ZNF33B: variants seen among roughly 807,000 people sequenced by gnomAD.
ZNF33B encodes zinc finger protein 33B.
In ZNF33B, 29 loss-of-function variants were observed where a neutral mutation model predicts 45.8. That is an observed-to-expected ratio of 0.63 (90% CI 0.47 to 0.86). The LOEUF (loss-of-function observed/expected upper bound fraction) is 0.86, where lower values mean the gene tolerates loss of function less well. ZNF33B is among the 40% of genes least tolerant of loss of function. The pLI, the probability that ZNF33B is intolerant of heterozygous loss-of-function variation, is 0.00. For synonymous variants in ZNF33B, 305 were observed against 307.8 expected (o/e 0.99, Z 0.10); for missense variants, 831 against 909.9 (o/e 0.91, Z 1.12).
In ZNF33B at chr10:42,632,064, C is replaced by G; in HGVS notation, c.155-40G>C. The G allele has an allele frequency of 3.1e-6, 5 of 1,601,656 alleles. No individual in the cohort carries two copies. In the East Asian group the frequency reaches 1.1e-4, roughly 36 times the overall value. On this transcript the variant is annotated intron_variant, in intron 3 of 4. Transcript: ENST00000359467. ...TAATTTAGGATTTGGACCAAGCAGT[C>G]TAGACTTCAGGCCTTTGAAGCAGGA...
intron 1 of ZNF33B, chr10:42,583,141 T>C (rs768893199): frequency 1.3e-6 from 1 of 788,154 alleles, no homozygotes; most frequent in Non-Finnish European, 2.3e-6. Context: ...GGAGTAAGCA[T>C]GGTGAGAACA....
chr10:42,585,202 C>G (rs1254653456), downstream of ZNF33B, among the ~76,000 whole-genome samples: 1 of 152,196 alleles, frequency 6.6e-6, no homozygotes, highest in Non-Finnish European at 1.5e-5. Flanking sequence ...GTGATTGTTT[C>G]TAAGCTCCAC....
downstream of ZNF33B, among the ~76,000 whole-genome samples, chr10:42,586,973 C>T (rs968119098): frequency 3.3e-4 from 49 of 147,158 alleles, no homozygotes; most frequent in African/African-American, 1.2e-3. Flanking sequence ...GACAAGGTCT[C>T]GGCTTCCAAG....
At chr10:42,631,869 T>C in intron 4 of ZNF33B, 60 bp downstream of exon 4, 4 of 1,462,222 alleles carry the variant, frequency 2.7e-6, no homozygotes, top group Middle Eastern at 3.5e-4. Context: ...AAACCCTGAA[T>C]TAACTACTGG....
intron 1 of ZNF33B, among the ~76,000 whole-genome samples, chr10:42,578,028 T>C (rs1451964354): frequency 4.6e-5 from 7 of 152,028 alleles, no homozygotes; most frequent in Admixed American, 3.9e-4. Context: ...ACAGAGAGGA[T>C]AGCCGGTGGG....
downstream of ZNF33B, among the ~76,000 whole-genome samples, chr10:42,585,956 G>C (rs535218181): frequency 1.4e-4 from 21 of 152,212 alleles, no homozygotes; most frequent in African/African-American, 4.8e-4. Context: ...CATTTGTGCT[G>C]TCTCTTTCCA....
At chr10:42,624,175 G>A (rs1470413563) in intron 4 of ZNF33B, among the ~76,000 whole-genome samples, 4 of 152,188 alleles carry the variant, frequency 2.6e-5, no homozygotes, top group African/African-American at 4.8e-5. Flanking sequence ...TAACCTCATC[G>A]TGAGGGCCCC....
At chr10:42,612,565 C>G (rs1477115114) in intron 4 of ZNF33B, among the ~76,000 whole-genome samples, 6 of 152,050 alleles carry the variant, frequency 3.9e-5, no homozygotes, top group Admixed American at 3.9e-4. Context: ...CTCTGACCAG[C>G]CTTGAGTGGT....
At chr10:42,620,164 C>T (rs569905096) in intron 4 of ZNF33B, among the ~76,000 whole-genome samples, 2 of 146,718 alleles carry the variant, frequency 1.4e-5, no homozygotes, top group South Asian at 4.4e-4. Context: ...TGCAGTGAAC[C>T]AAGATCATAC....
downstream of ZNF33B, among the ~76,000 whole-genome samples, chr10:42,588,212 A>C (rs1836976756): frequency 6.6e-6 from 1 of 152,204 alleles, no homozygotes; most frequent in African/African-American, 2.4e-5. Context: ...GGCTGAGCCC[A>C]AGTCAAGTCA....
At chr10:42,633,343 G>A (rs1050275942) in intron 2 of ZNF33B, among the ~76,000 whole-genome samples, 3 of 152,174 alleles carry the variant, frequency 2.0e-5, no homozygotes, top group African/African-American at 7.2e-5. Flanking sequence ...GATCACTGCT[G>A]TGAAAAAGGG....
At chr10:42,632,226 G>C (rs1220864534) in intron 3 of ZNF33B, 69 bp downstream of exon 3, 3 of 1,560,640 alleles carry the variant, frequency 1.9e-6, no homozygotes, top group Non-Finnish European at 2.6e-6. Flanking sequence ...AAACTAGACA[G>C]ACTGCCTATA....
At position 42,610,115 on chromosome 10, in the gene ZNF33B, G is replaced by A. The variant is rs547762028; in HGVS notation, c.251-15416C>T. 3.3e-5 allele frequency among the ~76,000 whole-genome samples: 5 copies of A among 152,272 alleles called. 1 individual carries two copies. In the South Asian group the frequency reaches 1.0e-3, roughly 32 times the overall value. On this transcript the variant is annotated intron_variant, in intron 4 of 4. Coordinates refer to ENST00000359467, the MANE Select transcript of ZNF33B (RefSeq NM_006955.3). ...AAAAGTGGAACTATATGTATTTGCA[G>A]TTGACTGCTCATGCATATAGAGAAT... is the stretch of plus-strand genomic sequence containing the variant.
chr10:42,616,493 A>T (rs1838320748), intron 4 of ZNF33B, among the ~76,000 whole-genome samples: 1 of 152,074 alleles, frequency 6.6e-6, no homozygotes. Context: ...TTTTGCTTGT[A>T]CAGATAATCA....
chr10:42,606,556 C>G (rs1837861970), intron 4 of ZNF33B, among the ~76,000 whole-genome samples: 1 of 152,032 alleles, frequency 6.6e-6, no homozygotes, highest in East Asian at 1.9e-4. Context: ...TGAATTAAAG[C>G]AGAAATGAAG....
At chr10:42,601,927 TTTTG>T (rs1336649118) in intron 4 of ZNF33B, among the ~76,000 whole-genome samples, 3 of 147,360 alleles carry the variant, frequency 2.0e-5, no homozygotes, top group African/African-American at 7.5e-5. Context: ...TTTTTTTTTT[TTTTG>T]GGGGGAGACA....
intron 1 of ZNF33B, among the ~76,000 whole-genome samples, chr10:42,577,354 T>C (rs189515906): frequency 2.6e-5 from 4 of 152,236 alleles, no homozygotes; most frequent in Admixed American, 6.5e-5. Context: ...TCCCATTCCT[T>C]ATCTCTGATT....
Position 42,593,211 on chromosome 10 carries a change from G to C in ZNF33B, c.1739C>G (p.Pro580Arg). The C allele has an allele frequency of 6.2e-7, 1 of 1,613,688 alleles. No individual in the cohort carries two copies. Among genetic ancestry groups the C allele is most frequent in the Non-Finnish European group, 8.5e-7 (1 of 1,179,954 alleles). ...TTTTCCACATTCATGACATTCATAG[G>C]GTTTCTCCCCCGTGTGTGTTCTATA... ...QHYRTHTGEK[P>R]YECHECGKIF... is the part of the protein sequence containing the mutation. The change falls in exon 5 of 5, where the codon CCC becomes CGC. Residue 580 changes from proline (P) to arginine (R), a missense_variant. Physicochemically the swap from Pro to Arg is moderately radical, Grantham distance 103. Coordinates refer to ENST00000359467, the MANE Select transcript of ZNF33B (RefSeq NM_006955.3).
chr10:42,595,241 AAC>A (rs1837350228), intron 4 of ZNF33B, among the ~76,000 whole-genome samples: 1 of 152,210 alleles, frequency 6.6e-6, no homozygotes. Context: ...GAGAGGATGA[AAC>A]ACAAAACTAC....
Sources: allele counts gnomAD v4.1 joint callset (sites outside exome capture counted in the v4.1 genomes callset), GRCh38; gene constraint gnomAD v4.1.1; transcripts MANE v1.5; gene names NCBI Gene and HGNC (gene_info 2026-07-23, HGNC 2026-07-21).